Variants in SCP2 observed in about 807,000 individuals in gnomAD.
The protein encoded by SCP2 is sterol carrier protein 2.
SCP2 carries 48 observed loss-of-function variants against 71.4 expected under a neutral mutation model. The observed-to-expected ratio is 0.67, with a 90% confidence interval of 0.53 to 0.86. The LOEUF (loss-of-function observed/expected upper bound fraction) is 0.86. Among genes scored for constraint, SCP2 ranks in the 40% least tolerant of loss-of-function variants. The pLI is 0.00. For missense variants in SCP2, 560 were observed against 655.6 expected (o/e 0.85, Z 1.59); for synonymous variants, 220 against 218.1 (o/e 1.01, Z -0.08).
At chr1:53,028,651 A>G (rs959667067) in intron 13 of SCP2, among the ~76,000 whole-genome samples, 1 of 152,026 alleles carries the variant, frequency 6.6e-6, no homozygotes, top group African/African-American at 2.4e-5. Flanking sequence ...AAAGTTTAAA[A>G]TCTCCCCAAA....
intron 11 of SCP2, among the ~76,000 whole-genome samples, chr1:53,013,733 G>C (rs188490705): frequency 6.6e-6 from 1 of 152,066 alleles, no homozygotes; most frequent in Non-Finnish European, 1.5e-5. Flanking sequence ...GAAATGAAAA[G>C]CAGCAGTTAA....
At chr1:52,994,119 C>G in intron 11 of SCP2, 2 of 1,062,962 alleles carry the variant, frequency 1.9e-6, no homozygotes, top group Non-Finnish European at 2.3e-6. Context: ...ATAGACTAAA[C>G]TGTTTTCTTT....
chr1:53,027,527 G>C (rs1424255967), intron 12 of SCP2, among the ~76,000 whole-genome samples: 1 of 152,068 alleles, frequency 6.6e-6, no homozygotes, highest in Non-Finnish European at 1.5e-5. Flanking sequence ...TGTTTATGAC[G>C]GAGTTTCGCT....
chr1:53,025,666 CTCTA>C (rs1432013045), intron 12 of SCP2, among the ~76,000 whole-genome samples: 1 of 152,192 alleles, frequency 6.6e-6, no homozygotes, highest in Non-Finnish European at 1.5e-5. Flanking sequence ...TATTCCCACT[CTCTA>C]TCTACTGGCA....
At chr1:53,003,516 T>C (rs560864216) in intron 11 of SCP2, among the ~76,000 whole-genome samples, 1 of 152,156 alleles carries the variant, frequency 6.6e-6, no homozygotes, top group Admixed American at 6.6e-5. Flanking sequence ...CATCATGCCT[T>C]CTTTTTCTTT....
intron 12 of SCP2, 94 bp downstream of exon 12, chr1:53,015,137 CT>C: frequency 1.6e-6 from 2 of 1,229,566 alleles, no homozygotes; most frequent in Non-Finnish European, 2.4e-6. Flanking sequence ...ATTTTATTGT[CT>C]TAGTATTTAA....
chr1:53,036,355 C>T (rs1281992158), intron 13 of SCP2, among the ~76,000 whole-genome samples: 1 of 149,804 alleles, frequency 6.7e-6, no homozygotes, highest in Non-Finnish European at 1.5e-5. Context: ...TAAAACAATG[C>T]TGTGAATAAC....
At chr1:52,934,279 A>T (rs1354246432) in intron 1 of SCP2, among the ~76,000 whole-genome samples, 3 of 152,224 alleles carry the variant, frequency 2.0e-5, no homozygotes, top group African/African-American at 7.2e-5. Flanking sequence ...GAATTTTAGA[A>T]AACTTGTATC....
chr1:52,979,176 T>C (rs1449085583), intron 9 of SCP2, among the ~76,000 whole-genome samples: 1 of 152,140 alleles, frequency 6.6e-6, no homozygotes, highest in East Asian at 1.9e-4. Flanking sequence ...TTATTTCTTT[T>C]TCTTTTTCTC....
intron 12 of SCP2, among the ~76,000 whole-genome samples, chr1:53,024,507 T>A (rs57460938): frequency 0.14 from 20,758 of 151,906 alleles, 2,027 homozygotes; most frequent in East Asian, 0.32. Flanking sequence ...AAATATTTTT[T>A]AAAAGTTATA....
intron 13 of SCP2, among the ~76,000 whole-genome samples, chr1:53,030,175 A>G (rs1184016247): frequency 6.6e-6 from 1 of 152,190 alleles, no homozygotes; most frequent in East Asian, 1.9e-4. Context: ...GGCATGAGCC[A>G]TCGTGCCCGG....
chr1:53,027,871 T>G (rs979620185), intron 12 of SCP2, 98 bp from the exon 13 acceptor site: 2 of 700,956 alleles, frequency 2.9e-6, no homozygotes, highest in African/African-American at 1.8e-5. Context: ...ATCTCTGTTC[T>G]TAGGGTTTTT....
chr1:52,932,307 T>A (rs1439294723), intron 1 of SCP2, among the ~76,000 whole-genome samples: 4 of 152,214 alleles, frequency 2.6e-5, no homozygotes, highest in Admixed American at 2.0e-4. Context: ...AAACCTTGGA[T>A]GCTACAAATG....
At position 53,013,724 on chromosome 1, in the gene SCP2, A is replaced by G. The variant is rs186130208; in HGVS notation, c.1082-1166A>G. Reference sequence around the variant, plus strand: ...CTGTAAATATATAGACACTGCTTAGAAATGAAAAGCAGCAGTTAAATTTCT... The same window carrying G: ...CTGTAAATATATAGACACTGCTTAGGAATGAAAAGCAGCAGTTAAATTTCT... On this transcript the variant is annotated intron_variant, in intron 11 of 15. Coordinates refer to ENST00000371514, the MANE Select transcript of SCP2 (RefSeq NM_002979.5). Among the ~76,000 whole-genome samples, 323 of 152,218 alleles carry G rather than the reference A, an allele frequency of 2.1e-3. 1 individual carries two copies. The highest frequency in any genetic ancestry group is 3.6e-3 in the Non-Finnish European group (247 of 68,016).
chr1:52,932,388 C>T (rs1440036140), intron 1 of SCP2, among the ~76,000 whole-genome samples: 1 of 152,002 alleles, frequency 6.6e-6, no homozygotes, highest in African/African-American at 2.4e-5. Context: ...ATAAATAATC[C>T]AAATTTGAGG....
intron 11 of SCP2, among the ~76,000 whole-genome samples, chr1:52,990,719 G>A (rs1291302826): frequency 8.8e-6 from 1 of 113,330 alleles, no homozygotes; most frequent in East Asian, 2.9e-4. Flanking sequence ...GGACGACAGA[G>A]TGAGACTCCG....
intron 13 of SCP2, among the ~76,000 whole-genome samples, chr1:53,038,257 C>G (rs879872090): frequency 6.6e-6 from 1 of 151,402 alleles, no homozygotes. Flanking sequence ...TGTGTGTACA[C>G]ACACACACAC....
rs367880313 is a variant in SCP2, at chr1:53,012,145, T to C, written c.1082-2745T>C. ...GTGTAAAAACTAGCCATAAAGAAAT[T>C]ATCTGACCTATCTTGTTTGACTGGG... On this transcript the variant is annotated intron_variant, in intron 11 of 15. Coordinates refer to ENST00000371514, the MANE Select transcript of SCP2 (RefSeq NM_002979.5). Among the ~76,000 whole-genome samples the C allele has an allele frequency of 1.2e-4, 18 of 152,294 alleles. 1 individual carries two copies. In the East Asian group the frequency reaches 3.5e-3, roughly 29 times the overall value.
rs145995229 is a variant in SCP2 at position 52,971,378 on chromosome 1, T to G, written c.524-3391T>G. Among the ~76,000 whole-genome samples the G allele has an allele frequency of 2.9e-3, 435 of 152,330 alleles. 4 individuals are homozygous for G. The highest frequency in any genetic ancestry group is 9.8e-3 in the African/African-American group (409 of 41,568). On this transcript the variant is annotated intron_variant, in intron 6 of 15. Transcript: ENST00000371514. Reference sequence around the variant, plus strand: ...TATATTTTCTCAAGTTTTACATTGCTCAGAATAATTGGACAGTTTTCTAGT... The same window carrying G: ...TATATTTTCTCAAGTTTTACATTGCGCAGAATAATTGGACAGTTTTCTAGT...
Sources: allele counts gnomAD v4.1 joint callset (sites outside exome capture counted in the v4.1 genomes callset), GRCh38; gene constraint gnomAD v4.1.1; transcripts MANE v1.5; gene names NCBI Gene and HGNC (gene_info 2026-07-23, HGNC 2026-07-21).